UST: variants seen among roughly 807,000 people sequenced by gnomAD.
UST encodes chondroitin sulfate 2-O-sulfotransferase.
UST carries 21 observed loss-of-function variants against 45.6 expected under a neutral mutation model. That is an observed-to-expected ratio of 0.46 (90% confidence interval 0.33 to 0.66). The LOEUF (loss-of-function observed/expected upper bound fraction) is 0.66, where lower values mean the gene tolerates loss of function less well. UST is among the 30% of genes least tolerant of loss of function. The pLI is 0.02. For synonymous variants in UST, 215 were observed against 200.6 expected (o/e 1.07, Z -0.61); for missense variants, 463 against 512.4 (o/e 0.90, Z 0.93).
At chr6:148,796,287 T>G (rs1222666736) in intron 1 of UST, among the ~76,000 whole-genome samples, 1 of 152,210 alleles carries the variant, frequency 6.6e-6, no homozygotes, top group African/African-American at 2.4e-5. Context: ...ATACAGAAAT[T>G]TTCTTGATAA....
chr6:149,074,135 A>G lies in UST; in HGVS notation c.*19A>G. On this transcript the variant is annotated 3_prime_UTR_variant, in exon 8 of 8. Transcript: ENST00000367463. ...GAGGTGATGTGACTGTGTTGCCTCT[A>G]TGGCTTTATCTCCCTTTTCCAGAAA... The G allele has an allele frequency of 6.2e-7, 1 of 1,607,438 alleles. No individual in the cohort carries two copies. The highest frequency in any genetic ancestry group is 8.5e-7 in the Non-Finnish European group (1 of 1,175,020).
chr6:149,020,842 T>C (rs962860958), intron 6 of UST, among the ~76,000 whole-genome samples: 3 of 152,222 alleles, frequency 2.0e-5, no homozygotes, highest in African/African-American at 7.2e-5. Context: ...GATTCCTCTT[T>C]AACTCTTCCA....
At chr6:148,986,550 G>A (rs1452124238) in intron 5 of UST, among the ~76,000 whole-genome samples, 2 of 152,222 alleles carry the variant, frequency 1.3e-5, no homozygotes, top group Non-Finnish European at 2.9e-5. Flanking sequence ...ATCTGCATAT[G>A]CTACACATCA....
At chr6:148,833,590 G>C (rs1001305823) in intron 1 of UST, among the ~76,000 whole-genome samples, 6 of 152,212 alleles carry the variant, frequency 3.9e-5, no homozygotes, top group African/African-American at 1.4e-4. Flanking sequence ...GGGAGAAAAA[G>C]TATATGTTCA....
Position 148,748,814 on chromosome 6 carries a change from G to A in UST, c.247+1137G>A, listed in dbSNP as rs530589431. Reference sequence around the variant, plus strand: ...CACCGAAGTGCTGGAAAGAAAATGGGCCAAATGACCCGGGCCAGCTGGAGG... The same window carrying A: ...CACCGAAGTGCTGGAAAGAAAATGGACCAAATGACCCGGGCCAGCTGGAGG... On this transcript the variant is annotated intron_variant, in intron 1 of 7. Coordinates refer to ENST00000367463, the MANE Select transcript of UST (RefSeq NM_005715.3). This position sits in a 1 kb window ranked among gnomAD's most constrained non-coding sequence, Gnocchi z 5.3. 2.6e-5 allele frequency among the ~76,000 whole-genome samples: 4 copies of A among 152,106 alleles called. No homozygotes were observed. Among genetic ancestry groups the A allele is most frequent in the African/African-American group, 7.2e-5 (3 of 41,514 alleles).
chr6:148,940,710 C>T (rs1437383133), intron 2 of UST, among the ~76,000 whole-genome samples: 13 of 152,132 alleles, frequency 8.5e-5, no homozygotes, highest in Admixed American at 7.2e-4. Flanking sequence ...TTATTATACC[C>T]ATCCTCATGG....
chr6:148,929,696 CAGATACA>C (rs551022581), intron 2 of UST, among the ~76,000 whole-genome samples: 4 of 152,266 alleles, frequency 2.6e-5, no homozygotes, highest in Admixed American at 6.5e-5. Flanking sequence ...TGGTTACCTG[CAGATACA>C]AGCATCCTCG....
chr6:148,979,135 A>C (rs1439755092), intron 5 of UST, among the ~76,000 whole-genome samples: 1 of 152,158 alleles, frequency 6.6e-6, no homozygotes, highest in Non-Finnish European at 1.5e-5. Flanking sequence ...GAGTGGCTTC[A>C]TTGTCAACCA....
At chr6:148,904,214 A>G (rs1280089199) in intron 2 of UST, among the ~76,000 whole-genome samples, 2 of 152,196 alleles carry the variant, frequency 1.3e-5, no homozygotes, top group African/African-American at 4.8e-5. Context: ...TATATCAAAG[A>G]CAAATTGAAG....
chr6:149,050,787 A>G (rs1346777241), intron 7 of UST, among the ~76,000 whole-genome samples: 1 of 152,258 alleles, frequency 6.6e-6, no homozygotes, highest in Non-Finnish European at 1.5e-5. Flanking sequence ...ATTGTACAAA[A>G]ACATTGAGAG....
At chr6:148,829,498 T>C (rs1005282085) in intron 1 of UST, among the ~76,000 whole-genome samples, 1 of 152,148 alleles carries the variant, frequency 6.6e-6, no homozygotes, top group Non-Finnish European at 1.5e-5. Flanking sequence ...AATTAAGTGT[T>C]CTCTGTGCTG....
At chr6:148,939,928 C>T (rs1006484360) in intron 2 of UST, among the ~76,000 whole-genome samples, 13 of 151,976 alleles carry the variant, frequency 8.6e-5, no homozygotes, top group African/African-American at 3.1e-4. Context: ...AATGAAAAGA[C>T]AACTTACAGG....
intron 1 of UST, among the ~76,000 whole-genome samples, chr6:148,763,990 T>A (rs1455390702): frequency 2.0e-5 from 3 of 152,240 alleles, no homozygotes; most frequent in African/African-American, 4.8e-5. Context: ...GTCTTTTTGG[T>A]TCCATATGAA....
intron 1 of UST, among the ~76,000 whole-genome samples, chr6:148,815,048 A>T (rs894975653): frequency 5.3e-5 from 8 of 152,224 alleles, no homozygotes; most frequent in African/African-American, 9.7e-5. Context: ...GACACTTATT[A>T]AAAAAACCGT....
At chr6:148,994,750 C>G (rs1421911121) in intron 5 of UST, among the ~76,000 whole-genome samples, 2 of 152,160 alleles carry the variant, frequency 1.3e-5, no homozygotes, top group Admixed American at 6.5e-5. Context: ...TCTGTCCCCC[C>G]CACCAGGCTC....
intron 1 of UST, among the ~76,000 whole-genome samples, chr6:148,831,012 T>G (rs2114758450): frequency 6.7e-6 from 1 of 149,302 alleles, no homozygotes; most frequent in East Asian, 2.1e-4. Flanking sequence ...GAAAAGAAAT[T>G]TTTACATTGA....
At chr6:148,857,290 T>C (rs1045370015) in intron 1 of UST, among the ~76,000 whole-genome samples, 8 of 152,154 alleles carry the variant, frequency 5.3e-5, no homozygotes, top group Non-Finnish European at 1.2e-4. Flanking sequence ...CCAAGCTGAT[T>C]CTGCCTGTCA....
chr6:148,992,243 G>A (rs1228869179), intron 5 of UST, among the ~76,000 whole-genome samples: 2 of 152,170 alleles, frequency 1.3e-5, no homozygotes, highest in Non-Finnish European at 2.9e-5. Flanking sequence ...GGTGGCTCAC[G>A]CCTGTAATCC....
At chr6:148,997,646 G>A (rs1328393121) in intron 5 of UST, among the ~76,000 whole-genome samples, 1 of 152,084 alleles carries the variant, frequency 6.6e-6, no homozygotes, top group Admixed American at 6.5e-5. Flanking sequence ...CAGACACTGG[G>A]GAACACACTA....
Sources: gnomAD v4.1 joint callset for allele counts (sites outside exome capture counted in the v4.1 genomes callset) on GRCh38, gnomAD v4.1.1 for gene constraint, Gnocchi (gnomAD v3.1) non-coding constraint, MANE v1.5 for transcripts, NCBI Gene and HGNC (gene_info 2026-07-23, HGNC 2026-07-21) for gene names.